Variants in BRWD1 observed in about 807,000 individuals in gnomAD.
BRWD1 encodes the protein bromodomain and WD repeat domain containing 1, also known as bromodomain and WD repeat-containing protein 1.
A neutral mutation model predicts 251.2 loss-of-function variants in BRWD1; 82 were observed. The observed-to-expected ratio is 0.33, with a 90% confidence interval of 0.27 to 0.39. The LOEUF is 0.39. Among genes scored for constraint, BRWD1 ranks in the 10% least tolerant of loss-of-function variants. The pLI, the probability that BRWD1 is intolerant of heterozygous loss-of-function variation, is 1.00. For synonymous variants in BRWD1, 918 were observed against 902.8 expected, an observed-to-expected ratio of 1.02 and a Z score of -0.30; for missense variants, 2,233 against 2,711.6, an observed-to-expected ratio of 0.82 and a Z score of 3.92.
intron 25 of BRWD1, among the ~76,000 whole-genome samples, chr21:39,229,684 G>C (rs574894991): frequency 6.6e-6 from 1 of 152,024 alleles, no homozygotes; most frequent in South Asian, 2.1e-4. Flanking sequence ...CACAAATCTC[G>C]GATTAGCGCA....
At chr21:39,225,700 T>C (rs920078581) in intron 27 of BRWD1, among the ~76,000 whole-genome samples, 1 of 152,156 alleles carries the variant, frequency 6.6e-6, no homozygotes, top group Non-Finnish European at 1.5e-5. Flanking sequence ...ATAATTAAAG[T>C]ATGCTTACAG....
chr21:39,314,005 G>A (rs750580838), upstream of BRWD1: 6 of 448,874 alleles, frequency 1.3e-5, no homozygotes, highest in Middle Eastern at 1.3e-3. Flanking sequence ...GTGGGACCTG[G>A]GTCCTCTACG....
intron 36 of BRWD1, among the ~76,000 whole-genome samples, chr21:39,207,518 G>T (rs1161826215): frequency 1.4e-5 from 2 of 144,196 alleles, no homozygotes; most frequent in Non-Finnish European, 3.0e-5. Flanking sequence ...TGTTGGCAAG[G>T]ATGTGAACAA....
Position 39,195,345 on chromosome 21 carries a change from C to T in BRWD1, c.*914G>A, listed in dbSNP as rs2146450207. On this transcript the variant is annotated 3_prime_UTR_variant, in exon 41 of 41. Coordinates refer to ENST00000342449, the MANE Select transcript of BRWD1 (RefSeq NM_033656.4). ...ATATTAACTTAAATACTCTTTTAGC[C>T]CTGTACACTCTATTAAAGAACACAC... 2 of 990,960 alleles carry T rather than the reference C, an allele frequency of 2.0e-6. No homozygotes were observed. The highest frequency in any genetic ancestry group is 2.4e-6 in the Non-Finnish European group (2 of 833,332). 61.4% of individuals were successfully genotyped at this position (990,960 alleles called of 1,614,324 possible).
chr21:39,240,527 C>T (rs1368588591), intron 21 of BRWD1, among the ~76,000 whole-genome samples: 1 of 152,102 alleles, frequency 6.6e-6, no homozygotes, highest in African/African-American at 2.4e-5. Flanking sequence ...AATATATCCC[C>T]AAATGACACT....
At chr21:39,233,626 A>G (rs1322711837) in intron 23 of BRWD1, among the ~76,000 whole-genome samples, 1 of 152,228 alleles carries the variant, frequency 6.6e-6, no homozygotes, top group African/African-American at 2.4e-5. Context: ...TTGCCGTGAG[A>G]TTCTGAGCAA....
At chr21:39,209,185 G>T (rs2032546228) in intron 36 of BRWD1, among the ~76,000 whole-genome samples, 2 of 152,094 alleles carry the variant, frequency 1.3e-5, no homozygotes, top group South Asian at 2.1e-4. Context: ...CAACCCATCA[G>T]ATAACATAAA....
rs1413673307 is a variant in BRWD1, at chr21:39,206,363, T to C, written c.4198-89A>G. On this transcript the variant is annotated intron_variant, in intron 36 of 40. Transcript: ENST00000342449. ...GTAATCATTGAGATCCCTTGCAATG[T>C]ATTATATCACTGCTTATAGGTAATG... The C allele has an allele frequency of 2.3e-5, 23 of 993,708 alleles. No individual in the cohort carries two copies. In the South Asian group the frequency reaches 3.7e-4, roughly 16 times the overall value. The allele number at this position is 993,708 out of a possible 1,614,324, so 61.6% of individuals were successfully genotyped here.
At chr21:39,320,856 C>G (rs1173044997) in intron 1 of BRWD1, among the ~76,000 whole-genome samples, 4 of 151,636 alleles carry the variant, frequency 2.6e-5, no homozygotes, top group Non-Finnish European at 4.4e-5. Flanking sequence ...TTAGTAAAGA[C>G]AGGGTTTTAC....
At chr21:39,318,802 A>G (rs1601532063), upstream of BRWD1, among the ~76,000 whole-genome samples, 1 of 152,208 alleles carries the variant, frequency 6.6e-6, no homozygotes, top group South Asian at 2.1e-4. Flanking sequence ...ACTGTTTTTT[A>G]GAGATGCGGG....
intron 1 of BRWD1, among the ~76,000 whole-genome samples, chr21:39,319,568 A>G (rs951326340): frequency 1.3e-5 from 2 of 152,226 alleles, no homozygotes; most frequent in Non-Finnish European, 2.9e-5. Flanking sequence ...TAAAATAAGC[A>G]TGACAACTAA....
intron 21 of BRWD1, among the ~76,000 whole-genome samples, chr21:39,244,363 C>T (rs2034107147): frequency 6.6e-6 from 1 of 152,002 alleles, no homozygotes; most frequent in South Asian, 2.1e-4. Context: ...TGCACCCGGC[C>T]CATGCTGCTA....
At chr21:39,269,433 G>T (rs1031301908) in intron 15 of BRWD1, among the ~76,000 whole-genome samples, 3 of 151,692 alleles carry the variant, frequency 2.0e-5, no homozygotes, top group African/African-American at 7.3e-5. Flanking sequence ...CTCCCAAAGT[G>T]TTAGGAGTTC....
At chr21:39,249,959 TAC>T (rs991200997) in intron 20 of BRWD1, among the ~76,000 whole-genome samples, 7 of 149,130 alleles carry the variant, frequency 4.7e-5, no homozygotes, top group South Asian at 2.1e-4. Context: ...TGTGTGTGTA[TAC>T]ACACACACAT....
chr21:39,234,963 A>C (rs2033757902), intron 23 of BRWD1, among the ~76,000 whole-genome samples: 1 of 152,224 alleles, frequency 6.6e-6, no homozygotes. Context: ...TAAAAATTAC[A>C]GCAATGGCCA....
At chr21:39,229,485 T>C (rs765075727) in intron 25 of BRWD1, 49 bp from the exon 26 acceptor site, 10 of 1,516,496 alleles carry the variant, frequency 6.6e-6, no homozygotes, top group Non-Finnish European at 8.2e-6. Context: ...AATTCCTTAA[T>C]ACTATAATTC....
intron 22 of BRWD1, 119 bp downstream of exon 22, chr21:39,238,360 A>C (rs1469132149): frequency 2.1e-5 from 14 of 672,404 alleles, no homozygotes; most frequent in Non-Finnish European, 3.5e-5. Flanking sequence ...TCTCCTTTTA[A>C]GTGTATTAAA....
At chr21:39,197,973 A>G (rs140496236) in intron 40 of BRWD1, among the ~76,000 whole-genome samples, 9 of 152,298 alleles carry the variant, frequency 5.9e-5, no homozygotes, top group East Asian at 1.9e-4. Flanking sequence ...CACATTCTCA[A>G]TAACATCCCA....
intron 8 of BRWD1, among the ~76,000 whole-genome samples, chr21:39,284,011 A>G (rs920946871): frequency 6.6e-6 from 1 of 152,218 alleles, no homozygotes; most frequent in Non-Finnish European, 1.5e-5. Context: ...CTTGAAATCT[A>G]CACATTTTGA....
Sources: allele counts gnomAD v4.1 joint callset (sites outside exome capture counted in the v4.1 genomes callset), GRCh38; gene constraint gnomAD v4.1.1; transcripts MANE v1.5; gene names NCBI Gene and HGNC (gene_info 2026-07-23, HGNC 2026-07-21).